The following CTNND2 variants were observed in gnomAD, a reference collection of about 807,000 sequenced individuals.
The protein encoded by CTNND2 is catenin delta 2, also known as catenin delta-2.
CTNND2 carries 22 observed loss-of-function variants against 144.4 expected under a neutral mutation model. That is an observed-to-expected ratio of 0.15 (90% CI 0.11 to 0.22). The LOEUF (loss-of-function observed/expected upper bound fraction) is 0.22. CTNND2 is among the 10% of genes least tolerant of loss of function. CTNND2 has a pLI of 1.00. For synonymous variants in CTNND2, 751 were observed against 695.6 expected, an observed-to-expected ratio of 1.08 and a Z score of -1.25; for missense variants, 1,353 against 1,618.8, an observed-to-expected ratio of 0.84 and a Z score of 2.82.
chr5:11,271,699 A>C (rs1211478545), intron 9 of CTNND2, among the ~76,000 whole-genome samples: 4 of 152,164 alleles, frequency 2.6e-5, no homozygotes, highest in Non-Finnish European at 5.9e-5. Context: ...ATTATGTTGT[A>C]CCTTTAAATA....
At chr5:11,763,165 TGA>T (rs1030934032) in intron 1 of CTNND2, among the ~76,000 whole-genome samples, 10 of 152,196 alleles carry the variant, frequency 6.6e-5, no homozygotes, top group Non-Finnish European at 1.0e-4. Flanking sequence ...CCTTCCATCA[TGA>T]GTGTATGTTT....
chr5:11,550,866 A>C (rs1775691566), intron 3 of CTNND2, among the ~76,000 whole-genome samples: 1 of 152,240 alleles, frequency 6.6e-6, no homozygotes, highest in African/African-American at 2.4e-5. Flanking sequence ...GGATTAGCCT[A>C]CCAAATGTTT....
At chr5:11,354,960 A>T (rs1418714834) in intron 8 of CTNND2, among the ~76,000 whole-genome samples, 1 of 152,202 alleles carries the variant, frequency 6.6e-6, no homozygotes, top group Admixed American at 6.5e-5. Flanking sequence ...AAACTTTACA[A>T]ATACATGGAA....
At chr5:11,314,042 C>T (rs541332991) in intron 9 of CTNND2, among the ~76,000 whole-genome samples, 2 of 152,114 alleles carry the variant, frequency 1.3e-5, no homozygotes, top group African/African-American at 2.4e-5. Context: ...TTGGGAATTA[C>T]AATTTGACAT....
chr5:11,038,814 A>G (rs1744369001), intron 16 of CTNND2, among the ~76,000 whole-genome samples: 2 of 152,216 alleles, frequency 1.3e-5, no homozygotes, highest in African/African-American at 4.8e-5. Context: ...TTGTGAATGA[A>G]TCAACACTGC....
intron 10 of CTNND2, among the ~76,000 whole-genome samples, chr5:11,221,739 T>C (rs572967053): frequency 1.3e-5 from 2 of 152,272 alleles, no homozygotes; most frequent in Admixed American, 6.5e-5. Flanking sequence ...AAATGACAGA[T>C]AAACAAGGTG....
At chr5:11,178,813 A>G (rs1760725987) in intron 11 of CTNND2, among the ~76,000 whole-genome samples, 1 of 152,240 alleles carries the variant, frequency 6.6e-6, no homozygotes, top group Admixed American at 6.5e-5. Flanking sequence ...TTATCAATTT[A>G]GTGTACCAGG....
intron 3 of CTNND2, among the ~76,000 whole-genome samples, chr5:11,514,803 C>T (rs1361835823): frequency 6.6e-6 from 1 of 152,078 alleles, no homozygotes; most frequent in Non-Finnish European, 1.5e-5. Context: ...AAATCACATG[C>T]AGTGATATTT....
intron 12 of CTNND2, among the ~76,000 whole-genome samples, chr5:11,131,921 C>T (rs528349542): frequency 2.6e-5 from 4 of 152,120 alleles, no homozygotes; most frequent in South Asian, 4.2e-4. Flanking sequence ...CTTATTAAAG[C>T]TGAGAATAAA....
intron 2 of CTNND2, among the ~76,000 whole-genome samples, chr5:11,692,173 T>G (rs1784939727): frequency 1.3e-5 from 2 of 152,232 alleles, no homozygotes; most frequent in Non-Finnish European, 2.9e-5. Flanking sequence ...AAAGCATGGC[T>G]GCAATGTATT....
chr5:11,529,111 T>C (rs900152651), intron 3 of CTNND2, among the ~76,000 whole-genome samples: 3 of 152,152 alleles, frequency 2.0e-5, no homozygotes, highest in African/African-American at 4.8e-5. Context: ...TTTTCCGTCA[T>C]TGGCTGTGAA....
chr5:11,644,909 A>C, intron 2 of CTNND2, among the ~76,000 whole-genome samples: 1 of 152,174 alleles, frequency 6.6e-6, no homozygotes, highest in East Asian at 1.9e-4. Flanking sequence ...TTTGATGGCA[A>C]AAAAGCAGAT....
At position 11,062,094 on chromosome 5, in the gene CTNND2, G is replaced by A. The variant is rs1047730035; in HGVS notation, c.2788+20602C>T. Among the ~76,000 whole-genome samples, 5 of 152,174 alleles carry A rather than the reference G, an allele frequency of 3.3e-5. No homozygotes were observed. In the East Asian group the frequency reaches 9.6e-4, roughly 29 times the overall value. On this transcript the variant is annotated intron_variant, in intron 16 of 21. Coordinates refer to ENST00000304623, the MANE Select transcript of CTNND2 (RefSeq NM_001332.4). Reference sequence around the variant, plus strand: ...TTTGATGTGCTATGACTGGTACATAGTAGGCACTCAAAAAATATTGGTCAA... The same window carrying A: ...TTTGATGTGCTATGACTGGTACATAATAGGCACTCAAAAAATATTGGTCAA...
intron 10 of CTNND2, among the ~76,000 whole-genome samples, chr5:11,229,282 T>G (rs1246695172): frequency 6.6e-6 from 1 of 152,248 alleles, no homozygotes; most frequent in Non-Finnish European, 1.5e-5. Flanking sequence ...AAATACATTT[T>G]CCAATTATTT....
At chr5:11,885,417 A>G (rs941720424) in intron 1 of CTNND2, among the ~76,000 whole-genome samples, 1 of 152,158 alleles carries the variant, frequency 6.6e-6, no homozygotes, top group African/African-American at 2.4e-5. Flanking sequence ...CAAAGAGAAT[A>G]CACTTTGAGT....
intron 21 of CTNND2, among the ~76,000 whole-genome samples, chr5:10,975,635 C>T (rs935937332): frequency 1.3e-5 from 2 of 152,208 alleles, no homozygotes; most frequent in Non-Finnish European, 2.9e-5. Flanking sequence ...GTAGTCCAGT[C>T]CCATCAGAGC....
chr5:11,211,841 G>A (rs1458135833), intron 10 of CTNND2, among the ~76,000 whole-genome samples: 1 of 152,054 alleles, frequency 6.6e-6, no homozygotes, highest in Non-Finnish European at 1.5e-5. Flanking sequence ...CAAATGAGGA[G>A]TATTAAATTA....
intron 16 of CTNND2, among the ~76,000 whole-genome samples, chr5:11,073,902 AT>A (rs1183411264): frequency 6.6e-6 from 1 of 152,248 alleles, no homozygotes; most frequent in Non-Finnish European, 1.5e-5. Context: ...TAAAATACTA[AT>A]TGAAATTCCA....
intron 8 of CTNND2, among the ~76,000 whole-genome samples, chr5:11,352,096 T>C (rs1051811581): frequency 1.3e-5 from 2 of 152,198 alleles, no homozygotes; most frequent in Admixed American, 6.5e-5. Flanking sequence ...AGGGTAAATT[T>C]GAACATACAA....
Sources: gnomAD v4.1 joint callset for allele counts (sites outside exome capture counted in the v4.1 genomes callset) on GRCh38, gnomAD v4.1.1 for gene constraint, MANE v1.5 for transcripts, NCBI Gene and HGNC (gene_info 2026-07-23, HGNC 2026-07-21) for gene names.